THSD7B: variants seen among roughly 807,000 people sequenced by gnomAD.
The protein encoded by THSD7B is thrombospondin type-1 domain-containing protein 7B.
THSD7B carries 138 observed loss-of-function variants against 213.6 expected under a neutral mutation model. That is an observed-to-expected ratio of 0.65 (90% CI 0.56 to 0.74). The LOEUF (loss-of-function observed/expected upper bound fraction) is 0.74, where lower values mean the gene tolerates loss of function less well. Among genes scored for constraint, THSD7B ranks in the 30% least tolerant of loss-of-function variants. The pLI is 0.00. For synonymous variants in THSD7B, 742 were observed against 687.0 expected, an observed-to-expected ratio of 1.08 and a Z score of -1.25; for missense variants, 1,931 against 1,991.5, an observed-to-expected ratio of 0.97 and a Z score of 0.58.
At chr2:137,434,832 A>G (rs1221673764) in intron 14 of THSD7B, among the ~76,000 whole-genome samples, 1 of 152,078 alleles carries the variant, frequency 6.6e-6, no homozygotes, top group Non-Finnish European at 1.5e-5. Context: ...TTACTTGTTC[A>G]TTTATTCTCC....
At chr2:137,651,848 A>G (rs187725925) in intron 21 of THSD7B, among the ~76,000 whole-genome samples, 167 of 151,882 alleles carry the variant, frequency 1.1e-3, no homozygotes, top group African/African-American at 3.9e-3. Context: ...ATTTCCATGT[A>G]TTTGTGTAGT....
At chr2:137,067,706 T>C (rs62171233) in intron 3 of THSD7B, among the ~76,000 whole-genome samples, 13,330 of 152,110 alleles carry the variant, frequency 0.088, 720 homozygotes, top group East Asian at 0.18. Context: ...GAAGGGTATA[T>C]GCCTTCTTTT....
At chr2:137,215,787 T>C (rs887583059) in intron 7 of THSD7B, among the ~76,000 whole-genome samples, 1 of 152,208 alleles carries the variant, frequency 6.6e-6, no homozygotes, top group African/African-American at 2.4e-5. Context: ...AAATGTTTTT[T>C]CCAAATTTTG....
chr2:137,627,556 T>C (rs1455451254), intron 20 of THSD7B, among the ~76,000 whole-genome samples: 1 of 152,204 alleles, frequency 6.6e-6, no homozygotes, highest in African/African-American at 2.4e-5. Context: ...CAAATGTATG[T>C]GCTGATGTTG....
At chr2:137,037,935 C>T (rs1004821598) in intron 2 of THSD7B, among the ~76,000 whole-genome samples, 1 of 151,840 alleles carries the variant, frequency 6.6e-6, no homozygotes, top group Admixed American at 6.6e-5. Flanking sequence ...GAAGGATAAT[C>T]CCAAATATTT....
At chr2:137,314,240 G>C (rs928596975) in intron 12 of THSD7B, among the ~76,000 whole-genome samples, 1 of 151,724 alleles carries the variant, frequency 6.6e-6, no homozygotes, top group East Asian at 1.9e-4. Flanking sequence ...TTCCCTTCTC[G>C]CTTCATTTCA....
At chr2:137,652,508 A>C (rs1010793842) in intron 21 of THSD7B, among the ~76,000 whole-genome samples, 2 of 152,188 alleles carry the variant, frequency 1.3e-5, no homozygotes, top group Non-Finnish European at 2.9e-5. Flanking sequence ...TCCTTTATCC[A>C]TTCAGACACT....
chr2:137,185,643 T>C (rs1486479380), intron 7 of THSD7B, among the ~76,000 whole-genome samples: 4 of 152,182 alleles, frequency 2.6e-5, no homozygotes, highest in African/African-American at 9.7e-5. Flanking sequence ...AATCCACCTT[T>C]GATGGGCATC....
chr2:137,099,869 A>C (rs1217368286), intron 4 of THSD7B, among the ~76,000 whole-genome samples: 1 of 152,286 alleles, frequency 6.6e-6, no homozygotes, highest in East Asian at 1.9e-4. Flanking sequence ...TCCGGCACTG[A>C]ATAGATGCGC....
Position 137,391,020 on chromosome 2 carries a change from A to G in THSD7B, c.2501-14593A>G, listed in dbSNP as rs574998914. On this transcript the variant is annotated intron_variant, in intron 12 of 27. Transcript: ENST00000409968. ...TGTGTGTGTGTGTTGTTGTTGTTGTATTCAGGAGGATTAATATCAGTTCTT... is the reference window on the plus strand; with the variant it reads ...TGTGTGTGTGTGTTGTTGTTGTTGTGTTCAGGAGGATTAATATCAGTTCTT... Among the ~76,000 whole-genome samples the G allele has an allele frequency of 7.9e-5, 12 of 151,796 alleles. No homozygotes were observed. In the South Asian group the frequency reaches 2.5e-3, roughly 32 times the overall value.
intron 15 of THSD7B, among the ~76,000 whole-genome samples, chr2:137,550,680 C>T (rs546167256): frequency 6.6e-4 from 101 of 152,072 alleles, no homozygotes; most frequent in Middle Eastern, 3.4e-3. Context: ...GCATGGCTTA[C>T]GACTGCATTT....
intron 2 of THSD7B, among the ~76,000 whole-genome samples, chr2:136,911,857 CT>C (rs1684263837): frequency 6.6e-6 from 1 of 152,170 alleles, no homozygotes; most frequent in Non-Finnish European, 1.5e-5. Flanking sequence ...TAGACATATG[CT>C]TTAATTCCTT....
chr2:137,272,737 G>T, intron 11 of THSD7B, 75 bp downstream of exon 11: 3 of 1,485,274 alleles, frequency 2.0e-6, no homozygotes, highest in Non-Finnish European at 2.7e-6. Context: ...ATAACATATG[G>T]TCGTTTGGTG....
chr2:137,326,224 C>A (rs888213693), intron 12 of THSD7B, among the ~76,000 whole-genome samples: 2 of 151,944 alleles, frequency 1.3e-5, no homozygotes, highest in Non-Finnish European at 2.9e-5. Flanking sequence ...GGGTAGATAC[C>A]CAAAGGAAAA....
chr2:137,045,157 T>C (rs1022541686), intron 2 of THSD7B, among the ~76,000 whole-genome samples: 2 of 152,176 alleles, frequency 1.3e-5, no homozygotes, highest in Non-Finnish European at 2.9e-5. Context: ...AGATGGTAGA[T>C]CTTAATAACC....
At chr2:136,802,637 GTTTA>G (rs1298040022) in intron 1 of THSD7B, among the ~76,000 whole-genome samples, 21 of 39,020 alleles carry the variant, frequency 5.4e-4, no homozygotes, top group African/African-American at 1.5e-3. Context: ...TATGAATTAA[GTTTA>G]TATATATATA....
chr2:137,025,377 C>T (rs1686531222), intron 2 of THSD7B, among the ~76,000 whole-genome samples: 1 of 152,126 alleles, frequency 6.6e-6, no homozygotes, highest in African/African-American at 2.4e-5. Context: ...TATTTCAGTG[C>T]ATTGTCCCAG....
intron 3 of THSD7B, among the ~76,000 whole-genome samples, chr2:137,068,765 A>G (rs1307652447): frequency 1.3e-5 from 2 of 151,976 alleles, no homozygotes; most frequent in Non-Finnish European, 2.9e-5. Flanking sequence ...TTTTGGTAGT[A>G]TCTGTGACAC....
At chr2:136,787,583 A>C (rs1454832805) in intron 1 of THSD7B, among the ~76,000 whole-genome samples, 2 of 152,180 alleles carry the variant, frequency 1.3e-5, no homozygotes, top group East Asian at 3.8e-4. Flanking sequence ...TTTGGATGTT[A>C]AGATTCAAAA....
Sources: allele counts gnomAD v4.1 joint callset (sites outside exome capture counted in the v4.1 genomes callset), GRCh38; gene constraint gnomAD v4.1.1; transcripts MANE v1.5; gene names NCBI Gene and HGNC (gene_info 2026-07-23, HGNC 2026-07-21).